Variants in LRBA observed in about 807,000 individuals in gnomAD.
LRBA encodes the protein LPS responsive beige-like anchor protein.
LRBA carries 176 observed loss-of-function variants against 330.0 expected under a neutral mutation model. The observed-to-expected ratio is 0.53, with a 90% confidence interval of 0.47 to 0.60. LRBA has a LOEUF of 0.60. Ranked by LOEUF, LRBA falls within the 20% of genes least tolerant of loss-of-function variation. The probability of loss-of-function intolerance (pLI) is 0.00; values close to 1 mark genes in which losing one functional copy is unlikely to be tolerated. For missense variants in LRBA, 3,259 were observed against 3,444.8 expected (o/e 0.95, Z 1.35); for synonymous variants, 1,230 against 1,193.0 (o/e 1.03, Z -0.64).
chr4:150,569,068 G>GT (rs1364315346), intron 40 of LRBA, among the ~76,000 whole-genome samples: 2 of 152,122 alleles, frequency 1.3e-5, no homozygotes, highest in African/African-American at 4.8e-5. Flanking sequence ...CTGTAAAAAT[G>GT]TAAGAGTTAA....
At position 150,916,606 on chromosome 4, in the gene LRBA, G is replaced by C. The variant is rs1732617933; in HGVS notation, c.767+11C>G. ...AAGGTTTTAACACTAATCAGTTACA[G>C]AAATACATACCAATACAAATATGGT... On this transcript the variant is annotated intron_variant, in intron 6 of 56. Transcript: ENST00000651943. The C allele has an allele frequency of 6.3e-7, 1 of 1,599,060 alleles. No homozygotes were observed. Among genetic ancestry groups the C allele is most frequent in the Non-Finnish European group, 8.5e-7 (1 of 1,173,178 alleles).
intron 49 of LRBA, 115 bp downstream of exon 49, chr4:150,325,694 T>C (rs1561016702): frequency 1.4e-6 from 1 of 711,662 alleles, no homozygotes; most frequent in East Asian, 2.6e-5. Context: ...AAATATTGCA[T>C]AAAAAAACAA....
At chr4:150,882,795 G>C (rs1181643448) in intron 17 of LRBA, among the ~76,000 whole-genome samples, 1 of 152,086 alleles carries the variant, frequency 6.6e-6, no homozygotes, top group African/African-American at 2.4e-5. Context: ...TTTAAGCAGG[G>C]CATATGATGA....
chr4:150,500,119 C>A (rs567456134), intron 40 of LRBA, among the ~76,000 whole-genome samples: 1 of 152,120 alleles, frequency 6.6e-6, no homozygotes, highest in Non-Finnish European at 1.5e-5. Context: ...ATGTTCCCAA[C>A]ATGAAGAAAG....
intron 30 of LRBA, 40 bp from the exon 31 acceptor site, chr4:150,817,297 G>T: frequency 6.3e-7 from 1 of 1,578,038 alleles, no homozygotes; most frequent in Non-Finnish European, 8.7e-7. Context: ...GATACAAATT[G>T]ATCTCTTGAA....
chr4:150,647,357 T>TC (rs1415958755), intron 37 of LRBA, among the ~76,000 whole-genome samples: 114 of 133,602 alleles, frequency 8.5e-4, no homozygotes, highest in African/African-American at 2.8e-3. Flanking sequence ...TTTTTCTTTT[T>TC]TTTTTTTTTT....
chr4:150,822,960 C>T (rs547725120), intron 30 of LRBA, among the ~76,000 whole-genome samples: 131 of 152,216 alleles, frequency 8.6e-4, no homozygotes, highest in African/African-American at 2.9e-3. Context: ...GTGTTATAAA[C>T]ACAAACTAGT....
intron 36 of LRBA, among the ~76,000 whole-genome samples, chr4:150,732,390 T>C (rs1730564005): frequency 6.6e-6 from 1 of 152,052 alleles, no homozygotes. Flanking sequence ...CCCTTAAGAC[T>C]AAAAATGTAC....
chr4:150,706,742 A>T (rs1785662892), intron 36 of LRBA, among the ~76,000 whole-genome samples: 1 of 151,744 alleles, frequency 6.6e-6, no homozygotes, highest in Non-Finnish European at 1.5e-5. Flanking sequence ...TCTAAAACAA[A>T]ATCAATAAGA....
intron 37 of LRBA, among the ~76,000 whole-genome samples, chr4:150,659,838 T>A (rs1455302903): frequency 1.4e-5 from 1 of 73,370 alleles, no homozygotes. Flanking sequence ...AGCCACCCCG[T>A]CCGGGAGGGA....
At position 150,953,565 on chromosome 4, in the gene LRBA, G is replaced by A. The variant is rs577423552; in HGVS notation, c.217-24500C>T. ...TTTTTGGTGGAGACAGGGTTTCGCC[G>A]TGTTGGCTGGGCTGGTCTCCAGCTC... On this transcript the variant is annotated intron_variant, in intron 2 of 56. Transcript: ENST00000651943. Among the ~76,000 whole-genome samples, 5 of 150,680 alleles carry A rather than the reference G, an allele frequency of 3.3e-5. No homozygotes were observed. The South Asian group carries it at 6.4e-4, about 19-fold the overall frequency.
At chr4:150,734,458 T>C (rs1164328745) in intron 36 of LRBA, among the ~76,000 whole-genome samples, 2 of 152,162 alleles carry the variant, frequency 1.3e-5, no homozygotes, top group Non-Finnish European at 2.9e-5. Flanking sequence ...TTGTATAAAA[T>C]TCACTTGGAA....
chr4:150,548,054 A>G (rs1213721218), intron 40 of LRBA, among the ~76,000 whole-genome samples: 1 of 152,306 alleles, frequency 6.6e-6, no homozygotes, highest in South Asian at 2.1e-4. Flanking sequence ...GAGAAAAGCA[A>G]AAGAATATGC....
At chr4:150,782,695 G>T (rs140108551) in intron 34 of LRBA, among the ~76,000 whole-genome samples, 30 of 152,284 alleles carry the variant, frequency 2.0e-4, no homozygotes, top group African/African-American at 6.7e-4. Flanking sequence ...ATCTTAATAA[G>T]ATCTGGAAAG....
chr4:150,691,340 A>G (rs1320739746), intron 36 of LRBA, among the ~76,000 whole-genome samples: 6 of 152,234 alleles, frequency 3.9e-5, no homozygotes, highest in Non-Finnish European at 5.9e-5. Context: ...CAGAATATAT[A>G]AAGAATTCAT....
In LRBA at chr4:150,362,593, GAGTCCA is replaced by G. The variant is rs1180986946; in HGVS notation, c.7195-12440_7195-12435del. Among the ~76,000 whole-genome samples the G allele has an allele frequency of 2.6e-5, 4 of 152,186 alleles. 1 individual carries two copies. Among genetic ancestry groups the G allele is most frequent in the Admixed American group, 1.3e-4 (2 of 15,278 alleles). ...TCTCTGTTTCAGTAGATCAGGGGCAGAGTCCAAGAATTTGCCCTTATAACAAGATCT... is the reference window on the plus strand; with the variant it reads ...TCTCTGTTTCAGTAGATCAGGGGCAGAGAATTTGCCCTTATAACAAGATCT... On this transcript the variant is annotated intron_variant, in intron 47 of 56. Transcript: ENST00000651943.
intron 37 of LRBA, among the ~76,000 whole-genome samples, chr4:150,660,609 G>A (rs990333618): frequency 6.9e-6 from 1 of 144,658 alleles, no homozygotes; most frequent in Non-Finnish European, 1.5e-5. Flanking sequence ...TGACAATGGC[G>A]GCCTTGTGGA....
chr4:150,787,278 T>C lies in LRBA; in HGVS notation c.5580+10803A>G, dbSNP rs1739223318. On this transcript the variant is annotated intron_variant, in intron 34 of 56. Transcript: ENST00000651943. ...AACTTTAATTTACAACCTACTTTGC[T>C]CTGTAAACAGTACTGCATAGTTTTA... Among the ~76,000 whole-genome samples, 3 of 152,234 alleles carry C rather than the reference T, an allele frequency of 2.0e-5. No homozygotes were observed. In the East Asian group the frequency reaches 5.8e-4, roughly 29 times the overall value.
chr4:150,824,183 T>C (rs1745891896), intron 30 of LRBA, among the ~76,000 whole-genome samples: 2 of 152,174 alleles, frequency 1.3e-5, no homozygotes, highest in Non-Finnish European at 1.5e-5. Context: ...CTTATAGCTA[T>C]TGTAAATTGG....
Sources: allele counts gnomAD v4.1 joint callset (sites outside exome capture counted in the v4.1 genomes callset), GRCh38; gene constraint gnomAD v4.1.1; transcripts MANE v1.5; gene names NCBI Gene and HGNC (gene_info 2026-07-23, HGNC 2026-07-21).